SGK3: variants seen among roughly 807,000 people sequenced by gnomAD.
SGK3 encodes serum/glucocorticoid regulated kinase family member 3.
In SGK3, 47 loss-of-function variants were observed where a neutral mutation model predicts 68.5. That is an observed-to-expected ratio of 0.69 (90% confidence interval 0.54 to 0.87). The LOEUF (loss-of-function observed/expected upper bound fraction) is 0.87. SGK3 is among the 40% of genes least tolerant of loss of function. The pLI, the probability that SGK3 is intolerant of heterozygous loss-of-function variation, is 0.00. For synonymous variants in SGK3, 181 were observed against 189.1 expected, an observed-to-expected ratio of 0.96 and a Z score of 0.35; for missense variants, 479 against 575.5, an observed-to-expected ratio of 0.83 and a Z score of 1.72.
At chr8:66,736,790 T>C (rs1241065928) in intron 1 of SGK3, among the ~76,000 whole-genome samples, 2 of 152,126 alleles carry the variant, frequency 1.3e-5, no homozygotes, top group Admixed American at 6.6e-5. Flanking sequence ...CAGCTAATTT[T>C]GTATTTTTAG....
At chr8:66,800,399 ATTATAC>A (rs1334999017) in intron 3 of SGK3, among the ~76,000 whole-genome samples, 27 of 44,242 alleles carry the variant, frequency 6.1e-4, no homozygotes, top group African/African-American at 2.1e-3. Flanking sequence ...TTTTTTTTTT[ATTATAC>A]TTTAAGTTTT....
chr8:66,812,111 A>T (rs1808403096), intron 4 of SGK3, among the ~76,000 whole-genome samples: 1 of 152,236 alleles, frequency 6.6e-6, no homozygotes, highest in South Asian at 2.1e-4. Flanking sequence ...AATTTTGGTG[A>T]CAAACACTAT....
At chr8:66,763,730 A>T (rs1806237534) in intron 1 of SGK3, among the ~76,000 whole-genome samples, 1 of 152,112 alleles carries the variant, frequency 6.6e-6, no homozygotes, top group South Asian at 2.1e-4. Context: ...TGATACTTCC[A>T]ATTGAAATTC....
At chr8:66,836,815 C>T (rs549004698) in intron 10 of SGK3, among the ~76,000 whole-genome samples, 1 of 135,100 alleles carries the variant, frequency 7.4e-6, no homozygotes, top group African/African-American at 2.8e-5. Flanking sequence ...CTCACTCTGT[C>T]ACCCAGGCTG....
rs1370332700 is a variant in SGK3, at chr8:66,835,825, A to G, written c.588A>G (p.Lys196=). ...ATGCTGTCAAAGTGTTACAGAAAAA[A>G]ATAGTTCTCAACAGAAAAGAGGTAA... is the stretch of plus-strand genomic sequence containing the variant. ...KFYAVKVLQK[K]IVLNRKEQKH... Residue 196 remains lysine (K), a synonymous_variant, in exon 9 of 17, where the codon AAA becomes AAG. Coordinates refer to ENST00000521198, the MANE Select transcript of SGK3 (RefSeq NM_001033578.3). The G allele has an allele frequency of 7.5e-6, 12 of 1,610,234 alleles. No homozygotes were observed. Among genetic ancestry groups the G allele is most frequent in the Non-Finnish European group, 1.0e-5 (12 of 1,179,212 alleles).
At chr8:66,759,570 T>C (rs890276529) in intron 1 of SGK3, among the ~76,000 whole-genome samples, 2 of 152,140 alleles carry the variant, frequency 1.3e-5, no homozygotes, top group Admixed American at 1.3e-4. Context: ...TAGCTGGGAC[T>C]ACAGGGGTGC....
chr8:66,847,308 A>T lies in SGK3; in HGVS notation c.1190A>T (p.Glu397Val). ...TAWSILEELLEKDRQNRLGAK... is the reference protein window; with the variant it reads ...TAWSILEELLVKDRQNRLGAK... ...TGGTCCATTCTGGAAGAACTCCTAG[A>T]AAAAGACAGGCAAAATCGACTTGGT... is the stretch of plus-strand genomic sequence containing the variant. The change falls in exon 15 of 17, where the codon GAA becomes GTA. Residue 397 changes from glutamate (E) to valine (V), a missense_variant. By Grantham distance (121) the Glu-to-Val change is moderately radical. Around this residue, in one of 3 missense-constraint regions of SGK3, gnomAD observed 173 missense variants for 214.3 expected, o/e 0.81. Coordinates refer to ENST00000521198, the MANE Select transcript of SGK3 (RefSeq NM_001033578.3). The T allele has an allele frequency of 1.2e-6, 2 of 1,614,058 alleles. No individual in the cohort carries two copies.
In SGK3 at chr8:66,760,409, A is replaced by G. The variant is rs544088392; in HGVS notation, c.-121-33207A>G. Among the ~76,000 whole-genome samples the G allele has an allele frequency of 2.2e-5, 3 of 136,222 alleles. No homozygotes were observed. In the South Asian group the frequency reaches 6.6e-4, roughly 30 times the overall value. The allele number at this position is 136,222 out of a possible 152,430, so 89.4% of individuals were successfully genotyped here. On this transcript the variant is annotated intron_variant, in intron 1 of 16. Coordinates refer to ENST00000521198, the MANE Select transcript of SGK3 (RefSeq NM_001033578.3). ...GAGTACAGTGGCACTATCTTGGCTCACTGCAAGCTCTGCCTCCCGGGTTCA... is the reference window on the plus strand; with the variant it reads ...GAGTACAGTGGCACTATCTTGGCTCGCTGCAAGCTCTGCCTCCCGGGTTCA...
chr8:66,787,492 G>A (rs894452192), intron 1 of SGK3, among the ~76,000 whole-genome samples: 1 of 152,128 alleles, frequency 6.6e-6, no homozygotes. Flanking sequence ...GGGATAGTGG[G>A]CCTTAGTGTT....
At chr8:66,789,135 A>C (rs780337641) in intron 1 of SGK3, among the ~76,000 whole-genome samples, 22 of 152,194 alleles carry the variant, frequency 1.4e-4, no homozygotes, top group Non-Finnish European at 2.6e-4. Flanking sequence ...AAAAAAAAAA[A>C]AACACTACAT....
chr8:66,777,662 CACTT>C (rs1214758444), intron 1 of SGK3, among the ~76,000 whole-genome samples: 1 of 152,180 alleles, frequency 6.6e-6, no homozygotes, highest in Non-Finnish European at 1.5e-5. Context: ...TTTAATTTGA[CACTT>C]ACAGCCCTGC....
chr8:66,841,203 T>C (rs1809784891), intron 13 of SGK3, 93 bp downstream of exon 13: 1 of 1,043,472 alleles, frequency 9.6e-7, no homozygotes, highest in African/African-American at 1.7e-5. Context: ...ATAAGAAAAG[T>C]AGAATAAAAA....
intron 1 of SGK3, among the ~76,000 whole-genome samples, chr8:66,733,435 G>C (rs1017931180): frequency 2.0e-5 from 3 of 152,228 alleles, no homozygotes; most frequent in Admixed American, 2.0e-4. Flanking sequence ...AGGAGTAAAT[G>C]TGATTGTTTT....
intron 1 of SGK3, among the ~76,000 whole-genome samples, chr8:66,755,271 A>C (rs1298479724): frequency 3.3e-5 from 5 of 151,902 alleles, no homozygotes; most frequent in South Asian, 2.1e-4. Context: ...AAAAAAAAAA[A>C]AACGAAAAAC....
At chr8:66,839,099 C>T (rs73693616) in intron 10 of SGK3, among the ~76,000 whole-genome samples, 3,101 of 151,902 alleles carry the variant, frequency 0.02, 110 homozygotes, top group African/African-American at 0.07. Flanking sequence ...AAAAATAACA[C>T]GTGGACCAAG....
intron 4 of SGK3, among the ~76,000 whole-genome samples, chr8:66,812,918 C>T (rs1237685676): frequency 6.6e-6 from 1 of 152,144 alleles, no homozygotes; most frequent in Non-Finnish European, 1.5e-5. Context: ...TCCTAAATTG[C>T]TATTGCATGA....
chr8:66,841,204 A>G (rs187218787), intron 13 of SGK3, 94 bp downstream of exon 13: 1 of 1,044,584 alleles, frequency 9.6e-7, no homozygotes, highest in Non-Finnish European at 1.3e-6. Flanking sequence ...TAAGAAAAGT[A>G]GAATAAAAAC....
At chr8:66,797,816 C>T (rs564259500) in intron 2 of SGK3, among the ~76,000 whole-genome samples, 5 of 152,054 alleles carry the variant, frequency 3.3e-5, no homozygotes, top group Admixed American at 2.0e-4. Flanking sequence ...TTGAATCTAT[C>T]GTATTTTATT....
intron 1 of SGK3, among the ~76,000 whole-genome samples, chr8:66,719,599 G>A (rs923907617): frequency 3.3e-5 from 5 of 152,118 alleles, no homozygotes; most frequent in Admixed American, 6.6e-5. Context: ...AATTGCAGAT[G>A]TCAGCCACTG....
Sources: allele counts gnomAD v4.1 joint callset (sites outside exome capture counted in the v4.1 genomes callset), GRCh38; gene constraint gnomAD v4.1.1; regional missense constraint gnomAD v4.1.1; transcripts MANE v1.5; gene names NCBI Gene and HGNC (gene_info 2026-07-23, HGNC 2026-07-21).